ZNF716: variants seen among roughly 807,000 people sequenced by gnomAD.
The protein encoded by ZNF716 is zinc finger protein 716.
A neutral mutation model predicts 13.4 loss-of-function variants in ZNF716; 9 were observed. That is an observed-to-expected ratio of 0.67 (90% CI 0.41 to 1.18). The LOEUF is 1.18. Among genes scored for constraint, ZNF716 ranks in the 50% most tolerant of loss-of-function variants. The pLI, the probability that ZNF716 is intolerant of heterozygous loss-of-function variation, is 0.01. For missense variants in ZNF716, 581 were observed against 576.6 expected (o/e 1.01, Z -0.08); for synonymous variants, 186 against 195.2 (o/e 0.95, Z 0.39).
Position 57,451,441 on chromosome 7 carries a change from ATTTT to A in ZNF716, c.39+1135_39+1138del, listed in dbSNP as rs782311074. On this transcript the variant is annotated intron_variant, in intron 1 of 3. Coordinates refer to ENST00000420713, the MANE Select transcript of ZNF716 (RefSeq NM_001159279.1). ...CCACAGGAAATTGGTTTTCCCTTGG[ATTTT>A]TTTTTTTTTTTTTTTTTTTTGAGAT... Among the ~76,000 whole-genome samples the A allele has an allele frequency of 1.9e-4, 17 of 89,030 alleles. No homozygotes were observed. In the East Asian group the frequency reaches 2.5e-3, roughly 13 times the overall value. 58.4% of individuals were successfully genotyped at this position (89,030 alleles called of 152,430 possible). A position where few individuals can be genotyped will look rare whatever the true frequency, so the allele number is the denominator to read the frequency against.
rs1562681714 is a variant in ZNF716, at chr7:57,473,527, AAAAT to A, written c.*3590_*3593del. 1 of 151,600 alleles carries A rather than the reference AAAAT, an allele frequency of 6.6e-6. No homozygotes were observed. The highest frequency in any genetic ancestry group is 6.6e-5 in the Admixed American group (1 of 15,212). The allele number at this position is 151,600 out of a possible 1,614,324, so 9.4% of individuals were successfully genotyped here. A position where few individuals can be genotyped will look rare whatever the true frequency, so the allele number is the denominator to read the frequency against. ...AGAGCGAGAAACCATCTCAAAAAAA[AAAAT>A]AAATAAATAAAAGATATACCTTAAG... On this transcript the variant is annotated 3_prime_UTR_variant, in exon 4 of 4. Transcript: ENST00000420713.
chr7:57,471,654 G>C lies in ZNF716; in HGVS notation c.*1705G>C, dbSNP rs1789940452. 6.6e-6 allele frequency: 1 copy of C among 152,120 alleles called. No homozygotes were observed. Among genetic ancestry groups the C allele is most frequent in the South Asian group, 2.1e-4 (1 of 4,822 alleles). The allele number at this position is 152,120 out of a possible 1,614,324, so 9.4% of individuals were successfully genotyped here. On this transcript the variant is annotated 3_prime_UTR_variant, in exon 4 of 4. Transcript: ENST00000420713. The stretch of plus-strand genomic sequence containing the variant: ...TTTATATTGGAGAGAAAGTGTAAAT[G>C]AATGTCAAAAAATATTTGTTCAAAA...
chr7:57,468,584 TCTATGAAGGAA>T (rs1789854440), intron 3 of ZNF716, 129 bp from the exon 4 acceptor site: 1 of 838,986 alleles, frequency 1.2e-6, no homozygotes, highest in East Asian at 2.9e-5. Flanking sequence ...CATTTATACA[TCTATGAAGGAA>T]TTACGGCTTG....
intron 1 of ZNF716, among the ~76,000 whole-genome samples, chr7:57,460,142 C>T (rs1554322793): frequency 1.3e-5 from 2 of 152,018 alleles, no homozygotes; most frequent in African/African-American, 4.8e-5. Flanking sequence ...AATCCGAGCA[C>T]TTAGGGAGGC....
rs782511675 is a variant in ZNF716, at chr7:57,462,497, C to T, written c.77C>T (p.Ser26Phe). The T allele has an allele frequency of 9.9e-6, 16 of 1,613,774 alleles. No individual in the cohort carries two copies. The highest frequency in any genetic ancestry group is 8.3e-5 in the Admixed American group (5 of 59,966). Residue 26 changes from serine (S) to phenylalanine (F), a missense_variant, in exon 2 of 4, where the codon TCT becomes TTT. Ser to Phe is a radical substitution (Grantham distance 155, BLOSUM62 -2). Coordinates refer to ENST00000420713, the MANE Select transcript of ZNF716 (RefSeq NM_001159279.1). ...TTCAGAGACATAGCTATAGAATTTT[C>T]TCTGGCGGAATGGCAATGCCTGGAT... Reference protein sequence around the residue: ...LTFRDIAIEFSLAEWQCLDHA... With the variant: ...LTFRDIAIEFFLAEWQCLDHA...
intron 1 of ZNF716, among the ~76,000 whole-genome samples, chr7:57,453,761 C>T (rs73345935): frequency 6.6e-6 from 1 of 152,148 alleles, no homozygotes; most frequent in African/African-American, 2.4e-5. Flanking sequence ...TGGGGAATTA[C>T]ATAGATTCAT....
intron 1 of ZNF716, among the ~76,000 whole-genome samples, chr7:57,461,107 T>C (rs1789701669): frequency 8.4e-6 from 1 of 118,444 alleles, no homozygotes; most frequent in Non-Finnish European, 1.8e-5. Flanking sequence ...TTGTCTCTGC[T>C]AAAAAAAAAA....
rs1382351493 is a variant in ZNF716, at chr7:57,468,920, A to G, written c.459A>G (p.Gln153=). ...TTAACCAATGTTTGTCAGCTACCCA[A>G]AACAAAACATTTCAGACTCATAAAT... is the stretch of plus-strand genomic sequence containing the variant. ...NYVNQCLSAT[Q]NKTFQTHKCV... is the part of the protein sequence containing the mutation. The change falls in exon 4 of 4, where the codon CAA becomes CAG. Residue 153 remains glutamine, a synonymous_variant. Coordinates refer to ENST00000420713, the MANE Select transcript of ZNF716 (RefSeq NM_001159279.1). 2 of 1,612,712 alleles carry G rather than the reference A, an allele frequency of 1.2e-6. No individual in the cohort carries two copies. Among genetic ancestry groups the G allele is most frequent in the African/African-American group, 1.3e-5 (1 of 75,048 alleles).
In ZNF716 at chr7:57,470,057, C is replaced by T. The variant is rs557960333; in HGVS notation, c.*108C>T. ...GCCAATTCTTTAACCAGTTCCAAAC[C>T]ACTGCTGTCCATAAGATAATTCATA... On this transcript the variant is annotated 3_prime_UTR_variant, in exon 4 of 4. Coordinates refer to ENST00000420713, the MANE Select transcript of ZNF716 (RefSeq NM_001159279.1). 10 of 1,053,984 alleles carry T rather than the reference C, an allele frequency of 9.5e-6. No homozygotes were observed. In the South Asian group the frequency reaches 1.8e-4, roughly 19 times the overall value. 65.3% of individuals were successfully genotyped at this position (1,053,984 alleles called of 1,614,324 possible).
chr7:57,461,451 A>G (rs1372758394), intron 1 of ZNF716, among the ~76,000 whole-genome samples: 4 of 152,198 alleles, frequency 2.6e-5, no homozygotes, highest in Non-Finnish European at 5.9e-5. Context: ...AGAGTTAATT[A>G]TTATTCCCTT....
At position 57,473,387 on chromosome 7, in the gene ZNF716, G is replaced by A. The variant is rs113276811; in HGVS notation, c.*3438G>A. 2.6e-5 allele frequency: 4 copies of A among 152,236 alleles called. No homozygotes were observed. Among genetic ancestry groups the A allele is most frequent in the African/African-American group, 9.6e-5 (4 of 41,516 alleles). The allele number at this position is 152,236 out of a possible 1,614,324, so 9.4% of individuals were successfully genotyped here. ...TACAAAAAATTAGCTGGGCATGGTG[G>A]TGCATGCCCATGGTCCCAGTTACTC... On this transcript the variant is annotated 3_prime_UTR_variant, in exon 4 of 4. Coordinates refer to ENST00000420713, the MANE Select transcript of ZNF716 (RefSeq NM_001159279.1).
rs1156923995 is a variant in ZNF716 at position 57,471,716 on chromosome 7, AT to A, written c.*1768del. The A allele has an allele frequency of 2.5e-4, 38 of 152,152 alleles. No individual in the cohort carries two copies. The highest frequency in any genetic ancestry group is 2.0e-3 in the Admixed American group (31 of 15,230). The allele number at this position is 152,152 out of a possible 1,614,324, so 9.4% of individuals were successfully genotyped here. ...GAAAACACTAGTTTATACTAAAAAA[AT>A]ATTTTTGCAGATGCAGTAAATGGGG... On this transcript the variant is annotated 3_prime_UTR_variant, in exon 4 of 4. Transcript: ENST00000420713.
chr7:57,458,297 C>T (rs565294838), intron 1 of ZNF716, among the ~76,000 whole-genome samples: 52 of 152,342 alleles, frequency 3.4e-4, no homozygotes, highest in African/African-American at 1.2e-3. Context: ...TCCCTTTCTT[C>T]ACAACCTCAC....
At chr7:57,455,557 C>T (rs534667129) in intron 1 of ZNF716, among the ~76,000 whole-genome samples, 37 of 151,104 alleles carry the variant, frequency 2.4e-4, no homozygotes, top group African/African-American at 9.0e-4. Flanking sequence ...CACTCTGTCA[C>T]CCTGGCTGGA....
At chr7:57,463,676 GTATT>G (rs201670601) in intron 3 of ZNF716, among the ~76,000 whole-genome samples, 4,523 of 151,616 alleles carry the variant, frequency 0.03, 224 homozygotes, top group African/African-American at 0.1. Context: ...TTTTATCCAT[GTATT>G]TATTTATTTA....
chr7:57,462,159 TAAA>T (rs35458423), intron 1 of ZNF716, among the ~76,000 whole-genome samples: 2 of 143,166 alleles, frequency 1.4e-5, no homozygotes, highest in African/African-American at 2.6e-5. Context: ...AGCCTCGGTT[TAAA>T]AAAAAAAAAA....
At position 57,462,342 on chromosome 7, in the gene ZNF716, C is replaced by G. The variant is rs1368465599; in HGVS notation, c.40-118C>G. 1.3e-5 allele frequency: 15 copies of G among 1,192,994 alleles called. No homozygotes were observed. The Admixed American group carries it at 3.2e-4, about 25-fold the overall frequency. The allele number at this position is 1,192,994 out of a possible 1,614,324, so 73.9% of individuals were successfully genotyped here. On this transcript the variant is annotated intron_variant, in intron 1 of 3. Transcript: ENST00000420713. ...TTTAGTCACTCTTACAAGTCAGAACCACTTCTTTTTACTCTCTTATTTAAC... is the reference window on the plus strand; with the variant it reads ...TTTAGTCACTCTTACAAGTCAGAACGACTTCTTTTTACTCTCTTATTTAAC...
intron 1 of ZNF716, among the ~76,000 whole-genome samples, chr7:57,451,114 G>C (rs1554321483): frequency 1.3e-5 from 2 of 151,894 alleles, no homozygotes; most frequent in Non-Finnish European, 2.9e-5. Context: ...CGCCCTCCCG[G>C]GTTCAGGCGA....
intron 1 of ZNF716, among the ~76,000 whole-genome samples, chr7:57,458,520 T>C (rs1789644552): frequency 6.6e-6 from 1 of 152,150 alleles, no homozygotes; most frequent in Admixed American, 6.5e-5. Flanking sequence ...CCTTCCAGAT[T>C]AAAGCGATTC....
Sources: allele counts gnomAD v4.1 joint callset (sites outside exome capture counted in the v4.1 genomes callset), GRCh38; gene constraint gnomAD v4.1.1; transcripts MANE v1.5; gene names NCBI Gene and HGNC (gene_info 2026-07-23, HGNC 2026-07-21).